ROCK2: variants seen among roughly 807,000 people sequenced by gnomAD.
The protein encoded by ROCK2 is Rho associated coiled-coil containing protein kinase 2.
In ROCK2, 61 loss-of-function variants were observed where a neutral mutation model predicts 195.1. That is an observed-to-expected ratio of 0.31 (90% confidence interval 0.25 to 0.39). The LOEUF (loss-of-function observed/expected upper bound fraction) is 0.39, where lower values mean the gene tolerates loss of function less well. ROCK2 is among the 10% of genes least tolerant of loss of function. ROCK2 has a pLI of 1.00. For synonymous variants in ROCK2, 504 were observed against 545.5 expected (o/e 0.92, Z 1.06); for missense variants, 1,109 against 1,637.4 (o/e 0.68, Z 5.57).
Position 11,262,513 on chromosome 2 carries a change from T to C in ROCK2, c.325-12715A>G, listed in dbSNP as rs184714603. Among the ~76,000 whole-genome samples, 121 of 152,288 alleles carry C rather than the reference T, an allele frequency of 7.9e-4. 2 individuals are homozygous for C. Among genetic ancestry groups the C allele is most frequent in the Middle Eastern group, 6.8e-3 (2 of 294 alleles). ...AGGGACCCAGTGGGAGGTAACTGAA[T>C]CATGAGGGCAGGTCTTTCCTGTGCT... On this transcript the variant is annotated intron_variant, in intron 3 of 32. Coordinates refer to ENST00000315872, the MANE Select transcript of ROCK2 (RefSeq NM_004850.5).
intron 5 of ROCK2, among the ~76,000 whole-genome samples, chr2:11,230,575 G>A (rs1664970992): frequency 6.6e-6 from 1 of 152,146 alleles, no homozygotes; most frequent in Non-Finnish European, 1.5e-5. Context: ...AATTTCATGT[G>A]ACAAGCTAAG....
chr2:11,249,025 A>G (rs1442109547), intron 4 of ROCK2, among the ~76,000 whole-genome samples: 1 of 151,898 alleles, frequency 6.6e-6, no homozygotes, highest in African/African-American at 2.4e-5. Flanking sequence ...CCTCCCAAGT[A>G]GCTGGGATTA....
At chr2:11,285,245 A>G (rs1281760531) in intron 3 of ROCK2, among the ~76,000 whole-genome samples, 1 of 148,612 alleles carries the variant, frequency 6.7e-6, no homozygotes, top group African/African-American at 2.5e-5. Flanking sequence ...CTGGGCAACA[A>G]GAGTGAAACT....
intron 1 of ROCK2, among the ~76,000 whole-genome samples, chr2:11,317,612 A>ATATATTTTTTTTT (rs59701503): frequency 1.6e-4 from 3 of 19,312 alleles, no homozygotes; most frequent in East Asian, 2.0e-3. Context: ...ATATATATAT[A>ATATATTTTTTTTT]TTTTTTTTTT....
intron 5 of ROCK2, among the ~76,000 whole-genome samples, chr2:11,233,613 T>C (rs911099029): frequency 6.6e-6 from 1 of 151,590 alleles, no homozygotes. Context: ...CAAGGAATAA[T>C]AAGGTAAATT....
chr2:11,183,303 A>ATCCCCT lies in ROCK2; in HGVS notation c.*133_*134insAGGGGA. 1.7e-6 allele frequency: 1 copy of ATCCCCT among 605,794 alleles called. No homozygotes were observed. Among genetic ancestry groups the ATCCCCT allele is most frequent in the Non-Finnish European group, 2.9e-6 (1 of 350,636 alleles). The allele number at this position is 605,794 out of a possible 1,614,324, so 37.5% of individuals were successfully genotyped here. On this transcript the variant is annotated 3_prime_UTR_variant, in exon 33 of 33. Coordinates refer to ENST00000315872, the MANE Select transcript of ROCK2 (RefSeq NM_004850.5). ...TATTACAGGGAAAAGGGGAACACAT[A>ATCCCCT]TATGTATGAGTGTATGTATCAGTCT... is the stretch of plus-strand genomic sequence containing the variant.
intron 3 of ROCK2, among the ~76,000 whole-genome samples, chr2:11,273,094 CAAAAAAAAAA>C (rs34784074): frequency 2.3e-4 from 5 of 21,756 alleles, no homozygotes; most frequent in African/African-American, 6.1e-4. Flanking sequence ...AAATAAGGGT[CAAAAAAAAAA>C]AAAAAAAAAA....
At chr2:11,234,933 T>C (rs1005514386) in intron 5 of ROCK2, among the ~76,000 whole-genome samples, 3 of 152,108 alleles carry the variant, frequency 2.0e-5, no homozygotes, top group South Asian at 2.1e-4. Context: ...AGAAATAAGA[T>C]TGGCTTTATA....
intron 27 of ROCK2, among the ~76,000 whole-genome samples, chr2:11,195,561 C>A (rs1663601858): frequency 6.6e-6 from 1 of 152,090 alleles, no homozygotes; most frequent in African/African-American, 2.4e-5. Context: ...GTCGCCCAGG[C>A]TGGAATGTAG....
chr2:11,338,599 T>C (rs923484717), intron 1 of ROCK2, among the ~76,000 whole-genome samples: 2 of 152,134 alleles, frequency 1.3e-5, no homozygotes, highest in African/African-American at 2.4e-5. Context: ...TTTTGGTACG[T>C]AGGCAGACTA....
intron 5 of ROCK2, among the ~76,000 whole-genome samples, chr2:11,233,211 T>C (rs1665082921): frequency 6.6e-6 from 1 of 152,186 alleles, no homozygotes; most frequent in Admixed American, 6.5e-5. Context: ...AGACCGTGTC[T>C]ACAATAACAA....
At chr2:11,304,632 C>A (rs1371067065) in intron 1 of ROCK2, among the ~76,000 whole-genome samples, 2 of 152,216 alleles carry the variant, frequency 1.3e-5, no homozygotes, top group African/African-American at 4.8e-5. Flanking sequence ...CCTCCAACGG[C>A]TTCCCATTTC....
Position 11,236,766 on chromosome 2 carries a change from C to A in ROCK2, c.463-804G>T, listed in dbSNP as rs569725383. Among the ~76,000 whole-genome samples the A allele has an allele frequency of 3.3e-5, 5 of 152,222 alleles. No homozygotes were observed. The East Asian group carries it at 9.6e-4, about 29-fold the overall frequency. On this transcript the variant is annotated intron_variant, in intron 4 of 32. Transcript: ENST00000315872. ...ACTAAGAATCAATATTTGAGAAAAA[C>A]CAACATCATGAAATAGAGAAAACAG... is the stretch of plus-strand genomic sequence containing the variant.
rs1276707289 is a variant in ROCK2 at position 11,331,257 on chromosome 2, A to C, written c.141+12739T>G. On this transcript the variant is annotated intron_variant, in intron 1 of 32. Transcript: ENST00000315872. The stretch of plus-strand genomic sequence containing the variant: ...CCTAAATACAAAGCAAAAGAGTAGA[A>C]TCACACACTGATACACCTGTGAACA... 2.6e-5 allele frequency among the ~76,000 whole-genome samples: 4 copies of C among 152,322 alleles called. No individual in the cohort carries two copies. In the East Asian group the frequency reaches 7.7e-4, roughly 29 times the overall value.
intron 4 of ROCK2, among the ~76,000 whole-genome samples, chr2:11,239,001 C>T (rs938146513): frequency 1.2e-4 from 18 of 150,782 alleles, no homozygotes; most frequent in Non-Finnish European, 1.8e-4. Flanking sequence ...AAAGTTTGAA[C>T]AACTGGATAG....
At chr2:11,299,545 T>G (rs1413196241) in intron 1 of ROCK2, among the ~76,000 whole-genome samples, 1 of 150,648 alleles carries the variant, frequency 6.6e-6, no homozygotes, top group East Asian at 1.9e-4. Context: ...AAAGTTCCAC[T>G]AGAAAAAAAA....
chr2:11,204,051 AGAAG>A (rs1245893145), intron 20 of ROCK2, among the ~76,000 whole-genome samples: 1 of 152,252 alleles, frequency 6.6e-6, no homozygotes, highest in Admixed American at 6.5e-5. Flanking sequence ...AGTACAGAAC[AGAAG>A]GAAGAAATTA....
chr2:11,340,394 A>G (rs1430788924), intron 1 of ROCK2, among the ~76,000 whole-genome samples: 1 of 152,188 alleles, frequency 6.6e-6, no homozygotes, highest in Non-Finnish European at 1.5e-5. Context: ...TGGATAAGGG[A>G]TTGCGGACCT....
intron 4 of ROCK2, among the ~76,000 whole-genome samples, chr2:11,236,875 G>A (rs1572284649): frequency 6.6e-6 from 1 of 152,190 alleles, no homozygotes; most frequent in Admixed American, 6.5e-5. Context: ...AATCAACCAG[G>A]CGTGGTGGCT....
Sources: allele counts gnomAD v4.1 joint callset (sites outside exome capture counted in the v4.1 genomes callset), GRCh38; gene constraint gnomAD v4.1.1; transcripts MANE v1.5; gene names NCBI Gene and HGNC (gene_info 2026-07-23, HGNC 2026-07-21).